FAM53A: variants seen among roughly 807,000 people sequenced by gnomAD.
The protein encoded by FAM53A is protein FAM53A.
In FAM53A, 28 loss-of-function variants were observed where a neutral mutation model predicts 26.6. That is an observed-to-expected ratio of 1.05 (90% CI 0.78 to 1.45). The LOEUF (loss-of-function observed/expected upper bound fraction) is 1.45, where lower values mean the gene tolerates loss of function less well. FAM53A is among the 40% of genes most tolerant of loss of function. The pLI, the probability that FAM53A is intolerant of heterozygous loss-of-function variation, is 0.00. For synonymous variants in FAM53A, 290 were observed against 253.1 expected (o/e 1.15, Z -1.38); for missense variants, 650 against 575.8 (o/e 1.13, Z -1.32).
intron 2 of FAM53A, among the ~76,000 whole-genome samples, chr4:1,664,972 T>C (rs1400732709): frequency 6.7e-6 from 1 of 149,386 alleles, no homozygotes; most frequent in African/African-American, 2.5e-5. Flanking sequence ...AGTGAGACTC[T>C]TGTCTAAAAG....
chr4:1,580,675 C>A, the FAM53A span, among the ~76,000 whole-genome samples: 2 of 145,776 alleles, frequency 1.4e-5, no homozygotes, highest in African/African-American at 5.2e-5. Context: ...CCACGCCTCC[C>A]ACTGAGGACC....
chr4:1,652,788 AACACACCACACACGTCACAC>A (rs1482597600), intron 4 of FAM53A, among the ~76,000 whole-genome samples: 4 of 110,660 alleles, frequency 3.6e-5, no homozygotes, highest in Admixed American at 8.9e-5. Context: ...GCACACACCA[AACACACCACACACGTCACAC>A]ACACACCACA....
chr4:1,645,893 G>A (rs1489695710), intron 4 of FAM53A, among the ~76,000 whole-genome samples: 1 of 152,200 alleles, frequency 6.6e-6, no homozygotes, highest in African/African-American at 2.4e-5. Context: ...CTCTACCATG[G>A]TGTTGGGAGT....
At chr4:1,629,422 G>A (rs1167291165) in intron 1 of FAM53A, among the ~76,000 whole-genome samples, 2 of 152,232 alleles carry the variant, frequency 1.3e-5, no homozygotes, top group South Asian at 2.1e-4. Context: ...CCTCTAGGGT[G>A]GCCCGAGTCA....
At chr4:1,585,472 CG>C in the FAM53A span, among the ~76,000 whole-genome samples, 2 of 151,750 alleles carry the variant, frequency 1.3e-5, no homozygotes, top group East Asian at 3.9e-4. Flanking sequence ...TTAGTAGGGA[CG>C]GGGTTTCACC....
chr4:1,600,667 T>C, the FAM53A span, among the ~76,000 whole-genome samples: 1 of 152,178 alleles, frequency 6.6e-6, no homozygotes. Context: ...TTTTTCTTTT[T>C]CGTTTTTGAG....
At chr4:1,591,758 T>C in the FAM53A span, among the ~76,000 whole-genome samples, 4 of 152,094 alleles carry the variant, frequency 2.6e-5, no homozygotes, top group Non-Finnish European at 4.4e-5. Flanking sequence ...AGAGGGATCT[T>C]AGCAGCAGAA....
rs998006102 is a variant in FAM53A, at chr4:1,641,395, G to A, written c.1095C>T (p.Arg365=). The A allele has an allele frequency of 3.7e-6, 6 of 1,611,178 alleles. No homozygotes were observed. The African/African-American group carries it at 8.0e-5, about 22-fold the overall frequency. ...CATCACGGGGGTCCCCGCTGCTCCT[G>A]CGGGAGCCATCACTGGTCACCGACT... ...SRESVTSDGS[R]RSSGDPRDGD... Residue 365 remains arginine, a synonymous_variant, in exon 5 of 5, where the codon CGC becomes CGT. Transcript: ENST00000308132.
chr4:1,632,614 G>A (rs1460466411), intron 1 of FAM53A, among the ~76,000 whole-genome samples: 24 of 152,360 alleles, frequency 1.6e-4, no homozygotes, highest in Admixed American at 1.4e-3. Flanking sequence ...GAGCCACGGG[G>A]ACAAAGCTGG....
At position 1,655,223 on chromosome 4, in the gene FAM53A, A is replaced by G; in HGVS notation, c.637T>C (p.Ser213Pro). 1 of 1,540,320 alleles carries G rather than the reference A, an allele frequency of 6.5e-7. No individual in the cohort carries two copies. The highest frequency in any genetic ancestry group is 1.4e-5 in the African/African-American group (1 of 71,710). Residue 213 changes from serine (S) to proline (P), a missense_variant, in exon 4 of 5, where the codon TCC becomes CCC. By Grantham distance (74) the Ser-to-Pro change is moderately conservative (BLOSUM62 -1). Coordinates refer to ENST00000308132, the MANE Select transcript of FAM53A (RefSeq NM_001174070.3). The part of the protein sequence containing the change: ...GSGPLWCSAE[S>P]CLPSTRRRPS... ...CGGCGCCTCGTGGAGGGCAAGCAGG[A>G]CTCCGCGGAACACCAGAGCGGGCCT...
At chr4:1,595,370 A>G in the FAM53A span, among the ~76,000 whole-genome samples, 4 of 151,942 alleles carry the variant, frequency 2.6e-5, no homozygotes, top group Non-Finnish European at 4.4e-5. Context: ...CGCCCTGCTG[A>G]CCCTCCCAGG....
At position 1,641,626 on chromosome 4, in the gene FAM53A, G is replaced by T; in HGVS notation, c.883-19C>A. 12 of 1,613,004 alleles carry T rather than the reference G, an allele frequency of 7.4e-6. No individual in the cohort carries two copies. Among genetic ancestry groups the T allele is most frequent in the Non-Finnish European group, 9.3e-6 (11 of 1,179,344 alleles). ...TTAAAGTCTGCAATAGAAAAGATAC[G>T]GGCTTAAAGCATTTCTAGCAGATCA... On this transcript the variant is annotated intron_variant, in intron 4 of 4. Transcript: ENST00000308132.
chr4:1,644,716 G>A lies in FAM53A; in HGVS notation c.883-3109C>T, dbSNP rs558330078. 2.6e-5 allele frequency: 5 copies of A among 193,686 alleles called. No individual in the cohort carries two copies. In the East Asian group the frequency reaches 6.1e-4, roughly 24 times the overall value. 12.0% of individuals were successfully genotyped at this position (193,686 alleles called of 1,614,324 possible). A position where few individuals can be genotyped will look rare whatever the true frequency, so the allele number is the denominator to read the frequency against. On this transcript the variant is annotated intron_variant, in intron 4 of 4. Transcript: ENST00000308132. ...CAAGTTCCAAATTGGGCTCCAAAGC[G>A]CAGAGGCCTTTCAAACTGTGTGCGA... is the stretch of plus-strand genomic sequence containing the variant.
downstream of FAM53A, among the ~76,000 whole-genome samples, chr4:1,615,836 A>G (rs919248488): frequency 3.9e-5 from 6 of 152,256 alleles, no homozygotes; most frequent in South Asian, 4.1e-4. Context: ...ATGAAGGACC[A>G]TGCACTTTTC....
chr4:1,590,916 G>T, the FAM53A span, among the ~76,000 whole-genome samples: 1 of 132,278 alleles, frequency 7.6e-6, no homozygotes, highest in Non-Finnish European at 1.6e-5. Context: ...AATATTCTCA[G>T]TTGTAGTTTT....
intron 1 of FAM53A, among the ~76,000 whole-genome samples, chr4:1,674,071 A>G (rs1714868621): frequency 6.6e-6 from 1 of 152,234 alleles, no homozygotes; most frequent in Admixed American, 6.5e-5. Context: ...GTGGGCTTCA[A>G]ACAACAAAAG....
At chr4:1,611,138 C>T in the FAM53A span, among the ~76,000 whole-genome samples, 23 of 152,228 alleles carry the variant, frequency 1.5e-4, no homozygotes, top group African/African-American at 5.1e-4. Context: ...AGCCGCCTGA[C>T]CCAGCCCGGC....
At chr4:1,587,423 G>A in the FAM53A span, among the ~76,000 whole-genome samples, 2 of 152,160 alleles carry the variant, frequency 1.3e-5, no homozygotes, top group Non-Finnish European at 2.9e-5. Context: ...TGTAATCCCA[G>A]CACTTTGAAA....
chr4:1,636,726 A>G (rs901959718), downstream of FAM53A, among the ~76,000 whole-genome samples: 1 of 152,188 alleles, frequency 6.6e-6, no homozygotes, highest in African/African-American at 2.4e-5. Flanking sequence ...CCTGCCCAAG[A>G]CCTGGGTTTT....
Sources: gnomAD v4.1 joint callset for allele counts (sites outside exome capture counted in the v4.1 genomes callset) on GRCh38, gnomAD v4.1.1 for gene constraint, MANE v1.5 for transcripts, NCBI Gene and HGNC (gene_info 2026-07-23, HGNC 2026-07-21) for gene names.